The following RGL3 variants were observed in gnomAD, a reference collection of about 807,000 sequenced individuals.
The protein encoded by RGL3 is ral guanine nucleotide dissociation stimulator-like 3.
RGL3 carries 85 observed loss-of-function variants against 90.6 expected under a neutral mutation model. The observed-to-expected ratio is 0.94, with a 90% CI of 0.79 to 1.12. The LOEUF (loss-of-function observed/expected upper bound fraction) is 1.12. Ranked by LOEUF, RGL3 falls within the 50% of genes most tolerant of loss-of-function variation. The probability of loss-of-function intolerance (pLI) is 0.00; values close to 1 mark genes in which losing one functional copy is unlikely to be tolerated. For synonymous variants in RGL3, 408 were observed against 385.5 expected, an observed-to-expected ratio of 1.06 and a Z score of -0.68; for missense variants, 1,034 against 939.2, an observed-to-expected ratio of 1.10 and a Z score of -1.32.
At position 11,401,995 on chromosome 19, in the gene RGL3, G is replaced by A. The variant is rs895882738; in HGVS notation, c.1484+16C>T. The A allele has an allele frequency of 1.3e-6, 2 of 1,529,392 alleles. No homozygotes were observed. The highest frequency in any genetic ancestry group is 1.3e-5 in the South Asian group (1 of 77,450). 94.7% of individuals were successfully genotyped at this position (1,529,392 alleles called of 1,614,324 possible). On this transcript the variant is annotated intron_variant, in intron 13 of 18. Transcript: ENST00000380456. ...CTCAGCTGGGGTGGGGCTGGGACAG[G>A]CTACAGGGTGGTCACCTCTGCTCCT... is the stretch of plus-strand genomic sequence containing the variant.
At position 11,405,494 on chromosome 19, in the gene RGL3, C is replaced by CTTT. The variant is rs771398199; in HGVS notation, c.997-71_997-69dup. The CTTT allele has an allele frequency of 2.1e-3, 342 of 163,914 alleles. 24 individuals are homozygous for CTTT. The highest frequency in any genetic ancestry group is 2.5e-3 in the Non-Finnish European group (202 of 82,262). The allele number at this position is 163,914 out of a possible 1,614,324, so 10.2% of individuals were successfully genotyped here. On this transcript the variant is annotated intron_variant, in intron 7 of 18. Coordinates refer to ENST00000380456, the MANE Select transcript of RGL3 (RefSeq NM_001035223.4). ...ACCTTTCATCCTGAAACTTCTTCAT[C>CTTT]TTTTTTTTTTTTTTTTTTTTTTTTT... is the stretch of plus-strand genomic sequence containing the variant.
chr19:11,414,526 T>C lies in RGL3; in HGVS notation c.637+1411A>G, dbSNP rs553302733. Among the ~76,000 whole-genome samples, 288 of 105,678 alleles carry C rather than the reference T, an allele frequency of 2.7e-3. 6 individuals carry two copies. The highest frequency in any genetic ancestry group is 8.8e-3 in the African/African-American group (249 of 28,160). 69.3% of individuals were successfully genotyped at this position (105,678 alleles called of 152,430 possible). On this transcript the variant is annotated intron_variant, in intron 5 of 18. Transcript: ENST00000380456. Reference sequence around the variant, plus strand: ...ATATATATATATATATATATATATATATACCTTTATATATATATAAATAAC... The same window carrying C: ...ATATATATATATATATATATATATACATACCTTTATATATATATAAATAAC...
rs1476886650 is a variant in RGL3 at position 11,402,690 on chromosome 19, C to T, written c.1202G>A (p.Gly401Glu). 2.5e-6 allele frequency: 4 copies of T among 1,613,668 alleles called. No individual in the cohort carries two copies. The highest frequency in any genetic ancestry group is 2.5e-6 in the Non-Finnish European group (3 of 1,179,884). The change falls in exon 10 of 19, where the codon GGA (glycine) becomes GAA (glutamate). Residue 401 changes from glycine to glutamate, a missense_variant. Transcript: ENST00000380456. ...TGGGGTGTTGTCCTCTTCTTGGGAT[C>T]CCTCAGTGGCCTCCTCCTGAGGGAA... ...EILFQEEATE[G>E]SQEEDNTPGS...
At chr19:11,397,631 G>T in intron 16 of RGL3, 34 bp from the exon 17 acceptor site, 1 of 1,493,398 alleles carries the variant, frequency 6.7e-7, no homozygotes. Context: ...CTACAGCTTG[G>T]CCCATCTGCA....
In RGL3 at chr19:11,418,743, C is replaced by T. The variant is rs777882277; in HGVS notation, c.75G>A (p.Ala25=). The T allele has an allele frequency of 7.6e-6, 12 of 1,576,282 alleles. No individual in the cohort carries two copies. Among genetic ancestry groups the T allele is most frequent in the African/African-American group, 1.3e-5 (1 of 74,466 alleles). Residue 25 remains alanine (A), a synonymous_variant, in exon 2 of 19, where the codon GCG becomes GCA. Coordinates refer to ENST00000380456, the MANE Select transcript of RGL3 (RefSeq NM_001035223.4). The part of the protein sequence containing the change: ...QDWGEETEDG[A]VYSVSLRRQR... Reference sequence around the variant, plus strand: ...GCCGCCGCAGGGAGACACTGTACACCGCGCCGTCCTCGGTCTCTTCACCCC... The same window carrying T: ...GCCGCCGCAGGGAGACACTGTACACTGCGCCGTCCTCGGTCTCTTCACCCC...
At chr19:11,407,099 C>T (rs969296570) in intron 5 of RGL3, among the ~76,000 whole-genome samples, 2 of 151,956 alleles carry the variant, frequency 1.3e-5, no homozygotes, top group Non-Finnish European at 2.9e-5. Context: ...GATTCTCCTG[C>T]CTCAGCCTTC....
chr19:11,402,164 G>A (rs1568336803), intron 12 of RGL3, 32 bp from the exon 13 acceptor site: 3 of 1,585,612 alleles, frequency 1.9e-6, no homozygotes, highest in Admixed American at 1.7e-5. Flanking sequence ...CCCTACCCCT[G>A]CCCCACCCCC....
chr19:11,406,869 T>C lies in RGL3; in HGVS notation c.638-5A>G, dbSNP rs758201914. ...TTTGGGCAACTCTGGGAGGTCCTGA[T>C]CATTAGAAAGGGTTACAAACTCTCA... On this transcript the variant is annotated splice_region_variant and splice_polypyrimidine_tract_variant and intron_variant, in intron 5 of 18. Coordinates refer to ENST00000380456, the MANE Select transcript of RGL3 (RefSeq NM_001035223.4). 2 of 1,605,252 alleles carry C rather than the reference T, an allele frequency of 1.2e-6. No homozygotes were observed. The highest frequency in any genetic ancestry group is 1.7e-6 in the Non-Finnish European group (2 of 1,173,962).
At chr19:11,415,618 G>C (rs1370968990) in intron 5 of RGL3, among the ~76,000 whole-genome samples, 1 of 152,032 alleles carries the variant, frequency 6.6e-6, no homozygotes, top group African/African-American at 2.4e-5. Flanking sequence ...TGGGATTATA[G>C]ACATGCCCCA....
At chr19:11,412,413 T>C (rs550284145) in intron 5 of RGL3, among the ~76,000 whole-genome samples, 107 of 152,300 alleles carry the variant, frequency 7.0e-4, no homozygotes, top group African/African-American at 2.4e-3. Flanking sequence ...TGATCATCGT[T>C]GATGATAGGT....
chr19:11,415,227 C>T lies in RGL3; in HGVS notation c.637+710G>A, dbSNP rs1042951800. Among the ~76,000 whole-genome samples, 5 of 151,286 alleles carry T rather than the reference C, an allele frequency of 3.3e-5. No homozygotes were observed. The East Asian group carries it at 5.8e-4, about 18-fold the overall frequency. ...TTTACAGGCTAGGTATAGTGGCTCGCGCCTGTAATGCCAGCAGTTTTGGAG... is the reference window on the plus strand; with the variant it reads ...TTTACAGGCTAGGTATAGTGGCTCGTGCCTGTAATGCCAGCAGTTTTGGAG... On this transcript the variant is annotated intron_variant, in intron 5 of 18. Coordinates refer to ENST00000380456, the MANE Select transcript of RGL3 (RefSeq NM_001035223.4).
chr19:11,406,037 T>A (rs1968772116), intron 7 of RGL3, among the ~76,000 whole-genome samples: 1 of 151,828 alleles, frequency 6.6e-6, no homozygotes, highest in South Asian at 2.1e-4. Context: ...TCCCGTGACT[T>A]GTGACGCCAG....
intron 5 of RGL3, among the ~76,000 whole-genome samples, chr19:11,413,842 C>T (rs888422515): frequency 4.7e-5 from 7 of 148,142 alleles, no homozygotes; most frequent in African/African-American, 1.2e-4. Flanking sequence ...CTCCCAGGTT[C>T]GCGCCATTCT....
intron 18 of RGL3, among the ~76,000 whole-genome samples, chr19:11,396,128 C>CTATATA (rs1174694619): frequency 3.6e-4 from 20 of 54,890 alleles, no homozygotes; most frequent in Admixed American, 5.7e-4. Flanking sequence ...CTCTCTCTCT[C>CTATATA]TCTCTCTCTA....
At chr19:11,397,799 G>A (rs374553897) in intron 16 of RGL3, 250 of 434,542 alleles carry the variant, frequency 5.8e-4, no homozygotes, top group Admixed American at 2.5e-3. Flanking sequence ...ACTTGAGGTC[G>A]GGAGTTCAAG....
chr19:11,419,121 C>T (rs1969059702), intron 1 of RGL3, 125 bp downstream of exon 1: 1 of 1,058,214 alleles, frequency 9.4e-7, no homozygotes, highest in Non-Finnish European at 1.4e-6. Context: ...GCCGCGAGTC[C>T]CCAGGAGGGG....
chr19:11,417,023 G>C lies in RGL3; in HGVS notation c.184C>G (p.Arg62Gly). 3.1e-6 allele frequency: 5 copies of C among 1,611,544 alleles called. No homozygotes were observed. Among genetic ancestry groups the C allele is most frequent in the Non-Finnish European group, 4.2e-6 (5 of 1,178,588 alleles). ...CTCAGCACCCTCACCTTGCTGGTTCGATAGTGGAGGAAGGTATTGGCAATG... is the reference window on the plus strand; with the variant it reads ...CTCAGCACCCTCACCTTGCTGGTTCCATAGTGGAGGAAGGTATTGGCAATG... ...SPIANTFLHY[R>G]TSKVRVLRAA... Residue 62 changes from arginine (R) to glycine (G), a missense_variant, in exon 3 of 19, where the codon CGA (arginine) becomes GGA (glycine). Transcript: ENST00000380456.
chr19:11,407,394 C>T (rs1968802455), intron 5 of RGL3, among the ~76,000 whole-genome samples: 1 of 151,976 alleles, frequency 6.6e-6, no homozygotes. Flanking sequence ...GAGGGAGGTA[C>T]TATTATTTAT....
intron 18 of RGL3, among the ~76,000 whole-genome samples, chr19:11,396,132 C>CTATATATATATA (rs1214766433): frequency 5.2e-5 from 2 of 38,690 alleles, no homozygotes; most frequent in Non-Finnish European, 9.3e-5. Flanking sequence ...CTCTCTCTCT[C>CTATATATATATA]TCTCTATATA....
Sources: gnomAD v4.1 joint callset for allele counts (sites outside exome capture counted in the v4.1 genomes callset) on GRCh38, gnomAD v4.1.1 for gene constraint, MANE v1.5 for transcripts, NCBI Gene and HGNC (gene_info 2026-07-23, HGNC 2026-07-21) for gene names.